The following NAA16 variants were observed in gnomAD, a reference collection of about 807,000 sequenced individuals.
The protein encoded by NAA16 is N-alpha-acetyltransferase 16, NatA auxiliary subunit, also known as NARG1-like protein.
NAA16 carries 97 observed loss-of-function variants against 110.3 expected under a neutral mutation model. That is an observed-to-expected ratio of 0.88 (90% CI 0.75 to 1.04). NAA16 has a LOEUF of 1.04. Ranked by LOEUF, NAA16 falls within the 50% of genes least tolerant of loss-of-function variation. NAA16 has a pLI of 0.00. For synonymous variants in NAA16, 372 were observed against 330.6 expected, an observed-to-expected ratio of 1.13 and a Z score of -1.36; for missense variants, 1,017 against 1,005.1, an observed-to-expected ratio of 1.01 and a Z score of -0.16.
chr13:41,355,108 A>G (rs766487666), intron 9 of NAA16, 36 bp from the exon 10 acceptor site: 1 of 1,276,284 alleles, frequency 7.8e-7, no homozygotes, highest in Non-Finnish European at 1.1e-6. Context: ...CTTCAAGAAG[A>G]TATTTTTAAA....
chr13:41,330,956 G>A (rs1312700736), intron 7 of NAA16, among the ~76,000 whole-genome samples: 20 of 152,034 alleles, frequency 1.3e-4, no homozygotes, highest in Non-Finnish European at 1.8e-4. Context: ...TTTTCCATGA[G>A]TTGTATGCTA....
intron 6 of NAA16, among the ~76,000 whole-genome samples, chr13:41,326,137 A>G (rs2042087966): frequency 6.6e-6 from 1 of 152,168 alleles, no homozygotes; most frequent in Admixed American, 6.5e-5. Flanking sequence ...CTTAAGCAGT[A>G]TATTACACTG....
intron 9 of NAA16, among the ~76,000 whole-genome samples, chr13:41,340,959 G>A (rs1024183121): frequency 2.0e-5 from 3 of 152,110 alleles, no homozygotes; most frequent in Admixed American, 6.5e-5. Flanking sequence ...GAGCCACCGC[G>A]CCCAGCTTGA....
In NAA16 at chr13:41,316,790, G is replaced by A. The variant is rs2041821772; in HGVS notation, c.55-56G>A. On this transcript the variant is annotated intron_variant, in intron 1 of 19. Coordinates refer to ENST00000379406, the MANE Select transcript of NAA16 (RefSeq NM_024561.5). ...TTTAGAATATATGATGCTGTGAGAA[G>A]TTGCTCCATTATGTATTCATTTGAT... is the stretch of plus-strand genomic sequence containing the variant. The A allele has an allele frequency of 1.3e-5, 15 of 1,145,192 alleles. No homozygotes were observed. The Admixed American group carries it at 2.6e-4, about 20-fold the overall frequency. The allele number at this position is 1,145,192 out of a possible 1,614,324, so 70.9% of individuals were successfully genotyped here.
rs749625040 is a variant in NAA16 at position 41,346,191 on chromosome 13, TTG to T, written c.1015-8946_1015-8945del. Among the ~76,000 whole-genome samples, 187 of 152,346 alleles carry T rather than the reference TTG, an allele frequency of 1.2e-3. 1 individual carries two copies. The highest frequency in any genetic ancestry group is 1.8e-3 in the Non-Finnish European group (121 of 68,032). On this transcript the variant is annotated intron_variant, in intron 9 of 19. Transcript: ENST00000379406. ...GTGGTAGGAGTCCAGATTCATTCTTTTGTGTGTGACTATCCAGTTTTCCAGCA... is the reference window on the plus strand; with the variant it reads ...GTGGTAGGAGTCCAGATTCATTCTTTTGTGTGACTATCCAGTTTTCCAGCA...
intron 13 of NAA16, 75 bp from the exon 14 acceptor site, chr13:41,367,364 T>C: frequency 9.3e-7 from 1 of 1,071,760 alleles, no homozygotes; most frequent in Non-Finnish European, 1.3e-6. Flanking sequence ...TTGGGCTTTT[T>C]ACAATTTTTT....
chr13:41,344,942 A>G (rs1305279892), intron 9 of NAA16, among the ~76,000 whole-genome samples: 3 of 152,146 alleles, frequency 2.0e-5, no homozygotes, highest in African/African-American at 7.2e-5. Context: ...CTGTCTATGG[A>G]TTTCCCAGTC....
intron 18 of NAA16, chr13:41,374,486 T>C (rs939165081): frequency 9.4e-5 from 25 of 267,260 alleles, no homozygotes; most frequent in Middle Eastern, 1.1e-3. Context: ...TAACCATCAT[T>C]TTGTGAAGGA....
chr13:41,351,228 G>A (rs2042827308), intron 9 of NAA16, among the ~76,000 whole-genome samples: 1 of 152,192 alleles, frequency 6.6e-6, no homozygotes, highest in Non-Finnish European at 1.5e-5. Context: ...AAAGTACTTG[G>A]TTTGAATATG....
intron 16 of NAA16, 40 bp downstream of exon 16, chr13:41,372,351 T>C: frequency 6.5e-7 from 1 of 1,548,434 alleles, no homozygotes; most frequent in Non-Finnish European, 8.7e-7. Flanking sequence ...TCTTTAATTA[T>C]ATTTGTGACC....
At chr13:41,374,686 C>A in intron 18 of NAA16, 56 bp from the exon 19 acceptor site, 1 of 1,157,202 alleles carries the variant, frequency 8.6e-7, no homozygotes, top group Non-Finnish European at 1.3e-6. Context: ...CAGTTGATAT[C>A]ACATAAAATG....
At chr13:41,350,831 C>T (rs1389377743) in intron 9 of NAA16, among the ~76,000 whole-genome samples, 2 of 151,918 alleles carry the variant, frequency 1.3e-5, no homozygotes, top group South Asian at 4.2e-4. Context: ...TACCATGTTG[C>T]CCAGGCTGGT....
rs116840349 is a variant in NAA16 at position 41,359,612 on chromosome 13, T to C, written c.1410+650T>C. The stretch of plus-strand genomic sequence containing the variant: ...AAAATCAGAGATGAAAATATATTGC[T>C]GGGACAATTAGTTACTCCTGTTGGG... On this transcript the variant is annotated intron_variant, in intron 12 of 19. Transcript: ENST00000379406. Among the ~76,000 whole-genome samples, 1,483 of 152,302 alleles carry C rather than the reference T, an allele frequency of 9.7e-3. 17 individuals are homozygous for C. Among genetic ancestry groups the C allele is most frequent in the African/African-American group, 0.033 (1,371 of 41,564 alleles).
chr13:41,337,852 A>T (rs772968456), intron 9 of NAA16, among the ~76,000 whole-genome samples: 10 of 152,200 alleles, frequency 6.6e-5, no homozygotes, highest in Admixed American at 3.3e-4. Context: ...TCAGTTATAG[A>T]TATAGCTGAT....
chr13:41,367,544 A>C lies in NAA16; in HGVS notation c.1645A>C (p.Arg549=). The change falls in exon 14 of 20, where the codon AGA becomes CGA. Residue 549 remains arginine (R), a synonymous_variant. Coordinates refer to ENST00000379406, the MANE Select transcript of NAA16 (RefSeq NM_024561.5). The part of the protein sequence containing the change: ...VDLLRLEDIL[R]RHAFYFKAAR... ...CCTTTTGAGATTAGAAGATATACTC[A>C]GAAGACATGCCTTTTATTTCAAGGC... 1 of 1,613,392 alleles carries C rather than the reference A, an allele frequency of 6.2e-7. No individual in the cohort carries two copies. Among genetic ancestry groups the C allele is most frequent in the Non-Finnish European group, 8.5e-7 (1 of 1,179,606 alleles).
intron 5 of NAA16, among the ~76,000 whole-genome samples, chr13:41,324,430 C>G (rs1179743591): frequency 1.8e-5 from 2 of 113,296 alleles, no homozygotes; most frequent in African/African-American, 6.9e-5. Flanking sequence ...GGCTAGAGTT[C>G]AGTGGTGCAA....
chr13:41,354,832 G>A (rs747713210), intron 9 of NAA16, among the ~76,000 whole-genome samples: 20 of 148,912 alleles, frequency 1.3e-4, no homozygotes, highest in Non-Finnish European at 2.7e-4. Context: ...TGCAATGCAT[G>A]ACATTTTAGA....
chr13:41,350,099 G>A (rs2042788968), intron 9 of NAA16, among the ~76,000 whole-genome samples: 1 of 151,738 alleles, frequency 6.6e-6, no homozygotes, highest in African/African-American at 2.4e-5. Context: ...GTGAGGCAGT[G>A]TCTCTACAAA....
chr13:41,363,553 A>G (rs1009718526), intron 13 of NAA16, among the ~76,000 whole-genome samples: 1 of 152,190 alleles, frequency 6.6e-6, no homozygotes, highest in Non-Finnish European at 1.5e-5. Flanking sequence ...TGGATCTTCC[A>G]TTACTGAGTT....
Sources: allele counts gnomAD v4.1 joint callset (sites outside exome capture counted in the v4.1 genomes callset), GRCh38; gene constraint gnomAD v4.1.1; transcripts MANE v1.5; gene names NCBI Gene and HGNC (gene_info 2026-07-23, HGNC 2026-07-21).